The following TMEM74 variants were observed in gnomAD, a reference collection of about 807,000 sequenced individuals.
TMEM74 encodes the protein transmembrane protein 74.
TMEM74 carries 13 observed loss-of-function variants against 18.1 expected under a neutral mutation model. The ratio of observed to expected loss-of-function variants is 0.72; its 90% CI spans 0.47 to 1.14. The LOEUF is 1.14. Ranked by LOEUF, TMEM74 falls within the 50% of genes most tolerant of loss-of-function variation. The pLI is 0.00. For missense variants in TMEM74, 372 were observed against 375.9 expected (o/e 0.99, Z 0.09); for synonymous variants, 159 against 146.6 (o/e 1.08, Z -0.61).
chr8:108,775,516 G>A (rs532095160), downstream of TMEM74, among the ~76,000 whole-genome samples: 3 of 152,118 alleles, frequency 2.0e-5, no homozygotes, highest in Non-Finnish European at 4.4e-5. Context: ...AGTTCCGTGT[G>A]CCAATAACCA....
At chr8:108,675,479 T>C (rs1321046880) in intron 1 of TMEM74, among the ~76,000 whole-genome samples, 1 of 152,180 alleles carries the variant, frequency 6.6e-6, no homozygotes, top group East Asian at 1.9e-4. Context: ...AACTGCCATC[T>C]ATGTCCATCG....
intron 1 of TMEM74, among the ~76,000 whole-genome samples, chr8:108,737,287 A>G (rs145239059): frequency 2.6e-5 from 4 of 152,308 alleles, no homozygotes; most frequent in Non-Finnish European, 5.9e-5. Flanking sequence ...TATAAAGTGC[A>G]TGGGATGAAG....
At chr8:108,652,532 G>A (rs768278306) in intron 2 of TMEM74, 2 of 519,764 alleles carry the variant, frequency 3.8e-6, no homozygotes, top group Non-Finnish European at 7.2e-6. Flanking sequence ...GTGCAGGATG[G>A]TGCTCATTCT....
intron 2 of TMEM74, among the ~76,000 whole-genome samples, chr8:108,618,645 G>A (rs1164740399): frequency 6.6e-6 from 1 of 152,122 alleles, no homozygotes; most frequent in Non-Finnish European, 1.5e-5. Context: ...AGTCTGTAGG[G>A]ACTGACGCAC....
intron 1 of TMEM74, among the ~76,000 whole-genome samples, chr8:108,718,286 G>T (rs1813550036): frequency 1.3e-5 from 2 of 152,124 alleles, no homozygotes; most frequent in South Asian, 4.1e-4. Context: ...GGACCCCCTG[G>T]CTGCTGTACT....
intron 2 of TMEM74, among the ~76,000 whole-genome samples, chr8:108,640,374 A>T (rs893786915): frequency 6.6e-6 from 1 of 150,958 alleles, no homozygotes; most frequent in South Asian, 2.1e-4. Flanking sequence ...TCGGCCTCCC[A>T]AAGTGCTGGG....
intron 1 of TMEM74, among the ~76,000 whole-genome samples, chr8:108,677,570 T>A (rs1057484936): frequency 2.0e-5 from 3 of 151,138 alleles, no homozygotes; most frequent in African/African-American, 7.3e-5. Context: ...CTGAAACAAA[T>A]GAATCATGCA....
chr8:108,756,694 A>AGG lies in TMEM74; in HGVS notation n.119+30781_119+30782insCC, dbSNP rs1364063739. On this transcript the variant is annotated intron_variant and non_coding_transcript_variant, in intron 1 of 3. Transcript: ENST00000518838. ...AAAGAAAGAAAGAAAGAAAGAAAGA[A>AGG]AGAAGGAAGGAAAGAAAGAAAGAAA... Among the ~76,000 whole-genome samples the AGG allele has an allele frequency of 1.1e-3, 124 of 108,196 alleles. 1 individual carries two copies. Among genetic ancestry groups the AGG allele is most frequent in the African/African-American group, 5.1e-3 (116 of 22,562 alleles). The allele number at this position is 108,196 out of a possible 152,430, so 71.0% of individuals were successfully genotyped here.
intron 1 of TMEM74, among the ~76,000 whole-genome samples, chr8:108,657,877 TATATA>T (rs1812857499): frequency 1.4e-5 from 1 of 70,906 alleles, no homozygotes; most frequent in African/African-American, 6.1e-5. Context: ...TATATATATA[TATATA>T]TATATATATA....
intron 1 of TMEM74, among the ~76,000 whole-genome samples, chr8:108,727,319 T>G (rs1382172246): frequency 6.6e-6 from 1 of 152,132 alleles, no homozygotes; most frequent in Non-Finnish European, 1.5e-5. Context: ...AGGAATCCAC[T>G]AGGGGTCCAT....
In TMEM74 at chr8:108,766,219, C is replaced by T. The variant is rs554419886; in HGVS notation, n.119+21257G>A. Among the ~76,000 whole-genome samples the T allele has an allele frequency of 5.9e-5, 9 of 152,040 alleles. No individual in the cohort carries two copies. In the East Asian group the frequency reaches 1.2e-3, roughly 20 times the overall value. On this transcript the variant is annotated intron_variant and non_coding_transcript_variant, in intron 1 of 3. Transcript: ENST00000518838. ...TTCTCCTTTCCTTCCTTCCTTCCTTCCTTCCTTTCTTCTTTCTTTCTCTCT... is the reference window on the plus strand; with the variant it reads ...TTCTCCTTTCCTTCCTTCCTTCCTTTCTTCCTTTCTTCTTTCTTTCTCTCT...
intron 1 of TMEM74, among the ~76,000 whole-genome samples, chr8:108,716,308 T>C (rs983111829): frequency 2.0e-5 from 3 of 152,036 alleles, no homozygotes; most frequent in Non-Finnish European, 4.4e-5. Context: ...AAATGAAATA[T>C]TAGAAATTGA....
chr8:108,738,663 G>T (rs1813771029), intron 1 of TMEM74, among the ~76,000 whole-genome samples: 1 of 152,110 alleles, frequency 6.6e-6, no homozygotes, highest in African/African-American at 2.4e-5. Context: ...CCCATTGATG[G>T]AGCTTCTGCA....
At chr8:108,625,896 T>C (rs917596207) in intron 2 of TMEM74, among the ~76,000 whole-genome samples, 1 of 152,026 alleles carries the variant, frequency 6.6e-6, no homozygotes, top group African/African-American at 2.4e-5. Flanking sequence ...AGGAACAGTA[T>C]GTAAGGGGTA....
intron 1 of TMEM74, among the ~76,000 whole-genome samples, chr8:108,707,412 C>A (rs1014716815): frequency 2.6e-5 from 4 of 151,900 alleles, no homozygotes; most frequent in African/African-American, 9.7e-5. Flanking sequence ...TGGTGGAAAT[C>A]ACATTCTAAA....
At chr8:108,646,358 C>T (rs1812717855) in intron 2 of TMEM74, among the ~76,000 whole-genome samples, 1 of 151,850 alleles carries the variant, frequency 6.6e-6, no homozygotes, top group South Asian at 2.1e-4. Flanking sequence ...ATGTTTTGTG[C>T]CAAGTTTGCA....
At chr8:108,659,984 G>A (rs1411388521) in intron 1 of TMEM74, among the ~76,000 whole-genome samples, 1 of 152,156 alleles carries the variant, frequency 6.6e-6, no homozygotes, top group Non-Finnish European at 1.5e-5. Flanking sequence ...ATTGACCAAG[G>A]CATCAGGCCT....
At chr8:108,726,776 T>C (rs1261374002) in intron 1 of TMEM74, among the ~76,000 whole-genome samples, 1 of 152,016 alleles carries the variant, frequency 6.6e-6, no homozygotes, top group African/African-American at 2.4e-5. Context: ...CTTGTAGGGC[T>C]TACATGCTGG....
intron 1 of TMEM74, among the ~76,000 whole-genome samples, chr8:108,698,626 T>C (rs1813304213): frequency 6.6e-6 from 1 of 152,190 alleles, no homozygotes; most frequent in South Asian, 2.1e-4. Context: ...CACAGAAACA[T>C]GGTTATCATA....
Sources: allele counts gnomAD v4.1 joint callset (sites outside exome capture counted in the v4.1 genomes callset), GRCh38; gene constraint gnomAD v4.1.1; transcripts MANE v1.5; gene names NCBI Gene and HGNC (gene_info 2026-07-23, HGNC 2026-07-21).